Variants in TENM3 observed in about 807,000 individuals in gnomAD.
TENM3 encodes teneurin-3.
In TENM3, 63 loss-of-function variants were observed where a neutral mutation model predicts 255.1. That is an observed-to-expected ratio of 0.25 (90% CI 0.20 to 0.30). The LOEUF (loss-of-function observed/expected upper bound fraction) is 0.30. Among genes scored for constraint, TENM3 ranks in the 10% least tolerant of loss-of-function variants. The pLI is 1.00. For synonymous variants in TENM3, 1,306 were observed against 1,322.3 expected, an observed-to-expected ratio of 0.99 and a Z score of 0.27; for missense variants, 2,929 against 3,461.1, an observed-to-expected ratio of 0.85 and a Z score of 3.86.
the TENM3 span, among the ~76,000 whole-genome samples, chr4:181,541,997 C>T: frequency 6.6e-6 from 1 of 152,098 alleles, no homozygotes; most frequent in Non-Finnish European, 1.5e-5. Flanking sequence ...ATTCGACAAG[C>T]GTTAGCTGAG....
intron 25 of TENM3, among the ~76,000 whole-genome samples, chr4:182,790,519 A>C (rs1419142950): frequency 6.6e-6 from 1 of 152,104 alleles, no homozygotes; most frequent in African/African-American, 2.4e-5. Context: ...TTCAGTTCCA[A>C]AGCTCACTGT....
the TENM3 span, among the ~76,000 whole-genome samples, chr4:182,043,590 C>T: frequency 2.6e-5 from 4 of 152,096 alleles, no homozygotes; most frequent in Admixed American, 2.6e-4. Context: ...TGTGAAAAAC[C>T]TATCTCTCTG....
intron 1 of TENM3, among the ~76,000 whole-genome samples, chr4:182,249,717 T>C (rs1273381074): frequency 6.6e-6 from 1 of 152,154 alleles, no homozygotes; most frequent in Non-Finnish European, 1.5e-5. Flanking sequence ...TTTTGAGCAA[T>C]TGTGATGTTT....
intron 22 of TENM3, among the ~76,000 whole-genome samples, chr4:182,762,948 CTTCAAG>C (rs1197518228): frequency 2.0e-5 from 3 of 152,036 alleles, no homozygotes; most frequent in African/African-American, 7.2e-5. Flanking sequence ...ATTTCCTAGA[CTTCAAG>C]TTCATCCCAA....
At chr4:182,499,490 T>A (rs1736116164) in intron 3 of TENM3, among the ~76,000 whole-genome samples, 2 of 151,986 alleles carry the variant, frequency 1.3e-5, no homozygotes, top group Admixed American at 1.3e-4. Flanking sequence ...CCTACCCAAC[T>A]CTATTAGAGC....
the TENM3 span, among the ~76,000 whole-genome samples, chr4:181,828,411 G>A: frequency 1.3e-5 from 2 of 152,112 alleles, no homozygotes; most frequent in Non-Finnish European, 2.9e-5. Flanking sequence ...GTGCTTTACT[G>A]TTTACAAAGC....
rs1160124902 is a variant in TENM3 at position 182,796,740 on chromosome 4, G to A, written c.7317G>A (p.Val2439=). The A allele has an allele frequency of 1.2e-6, 2 of 1,610,434 alleles. No homozygotes were observed. The highest frequency in any genetic ancestry group is 2.2e-5 in the East Asian group (1 of 44,864). Residue 2439 remains valine, a synonymous_variant, in exon 27 of 28, where the codon GTG becomes GTA. Coordinates refer to ENST00000511685, the MANE Select transcript of TENM3 (RefSeq NM_001080477.4). ...TAACAGAACCTTCTTACGAACTTGT[G>A]AAGAGTCAGCAGTGGGATGATATAC... ...FDLTEPSYEL[V]KSQQWDDIPP...
At chr4:181,728,853 G>A in the TENM3 span, among the ~76,000 whole-genome samples, 5 of 152,074 alleles carry the variant, frequency 3.3e-5, no homozygotes, top group African/African-American at 4.8e-5. Flanking sequence ...AAACACCTCT[G>A]ACAGTAGTAG....
At chr4:182,110,509 A>G in the TENM3 span, among the ~76,000 whole-genome samples, 1 of 151,598 alleles carries the variant, frequency 6.6e-6, no homozygotes, top group Non-Finnish European at 1.5e-5. Context: ...TTTCTTTTGT[A>G]AAGACTGGGT....
chr4:181,501,663 C>A, the TENM3 span, among the ~76,000 whole-genome samples: 69,699 of 152,010 alleles, frequency 0.46, 16,604 homozygotes, highest in Non-Finnish European at 0.49. Context: ...CAGGCGTGAG[C>A]CAACACGCCC....
At chr4:181,582,579 G>A in the TENM3 span, among the ~76,000 whole-genome samples, 7 of 151,478 alleles carry the variant, frequency 4.6e-5, no homozygotes, top group East Asian at 7.8e-4. Flanking sequence ...GCTGGGAGGC[G>A]GAGGTTGCAG....
intron 3 of TENM3, among the ~76,000 whole-genome samples, chr4:182,404,620 T>TA (rs1769437749): frequency 6.6e-6 from 1 of 152,196 alleles, no homozygotes; most frequent in African/African-American, 2.4e-5. Context: ...CCAGGCTGAT[T>TA]AAAAATGTCA....
intron 4 of TENM3, among the ~76,000 whole-genome samples, chr4:182,612,042 C>G (rs773547958): frequency 5.9e-5 from 9 of 151,840 alleles, no homozygotes; most frequent in Non-Finnish European, 1.2e-4. Flanking sequence ...TCAAGGTGGG[C>G]AGATCACCTG....
At chr4:182,563,984 C>A (rs1238423056) in intron 3 of TENM3, among the ~76,000 whole-genome samples, 1 of 152,190 alleles carries the variant, frequency 6.6e-6, no homozygotes. Context: ...TCCTGCCAAT[C>A]ATTCCTGCCC....
intron 3 of TENM3, among the ~76,000 whole-genome samples, chr4:182,394,588 T>G (rs1007736191): frequency 6.6e-6 from 1 of 152,198 alleles, no homozygotes; most frequent in Non-Finnish European, 1.5e-5. Context: ...AGGCACAAAG[T>G]TCTAAGTTTT....
intron 3 of TENM3, among the ~76,000 whole-genome samples, chr4:182,366,522 C>T (rs528946487): frequency 6.6e-6 from 1 of 151,982 alleles, no homozygotes; most frequent in South Asian, 2.1e-4. Flanking sequence ...TTGTAAATGT[C>T]ATTTAAATTA....
intron 1 of TENM3, among the ~76,000 whole-genome samples, chr4:182,196,393 A>T (rs1046242050): frequency 2.0e-5 from 3 of 152,142 alleles, no homozygotes; most frequent in Non-Finnish European, 4.4e-5. Flanking sequence ...TGGGATTACC[A>T]ATTCAGAAGG....
chr4:182,268,499 C>T (rs1055577682), intron 1 of TENM3, among the ~76,000 whole-genome samples: 1 of 152,132 alleles, frequency 6.6e-6, no homozygotes, highest in Non-Finnish European at 1.5e-5. Flanking sequence ...ACCAGAGCAA[C>T]CCTATCTTAA....
chr4:182,356,898 T>C (rs1765586985), intron 3 of TENM3, among the ~76,000 whole-genome samples: 1 of 120,200 alleles, frequency 8.3e-6, no homozygotes, highest in Non-Finnish European at 1.6e-5. Flanking sequence ...CCCCAGAGTG[T>C]GATGTTCCCC....
Sources: gnomAD v4.1 joint callset for allele counts (sites outside exome capture counted in the v4.1 genomes callset) on GRCh38, gnomAD v4.1.1 for gene constraint, MANE v1.5 for transcripts, NCBI Gene and HGNC (gene_info 2026-07-23, HGNC 2026-07-21) for gene names.